Variants in NELL1 observed in about 807,000 individuals in gnomAD.
NELL1 encodes protein kinase C-binding protein NELL1.
A neutral mutation model predicts 107.4 loss-of-function variants in NELL1; 76 were observed. That is an observed-to-expected ratio of 0.71 (90% CI 0.59 to 0.86). The LOEUF is 0.86. Among genes scored for constraint, NELL1 ranks in the 40% least tolerant of loss-of-function variants. The pLI, the probability that NELL1 is intolerant of heterozygous loss-of-function variation, is 0.00. For synonymous variants in NELL1, 353 were observed against 341.2 expected (o/e 1.03, Z -0.38); for missense variants, 1,024 against 1,005.5 (o/e 1.02, Z -0.25).
chr11:21,028,026 TC>T (rs1852860519), intron 12 of NELL1, among the ~76,000 whole-genome samples: 1 of 152,166 alleles, frequency 6.6e-6, no homozygotes, highest in Non-Finnish European at 1.5e-5. Context: ...CAAGAATATG[TC>T]CCCATACTCA....
intron 15 of NELL1, among the ~76,000 whole-genome samples, chr11:21,491,703 A>C (rs955032698): frequency 6.6e-6 from 1 of 152,020 alleles, no homozygotes; most frequent in African/African-American, 2.4e-5. Flanking sequence ...TTCCATATGA[A>C]CTTTAAAGTA....
At chr11:21,535,988 G>A (rs769216540) in intron 16 of NELL1, among the ~76,000 whole-genome samples, 5 of 152,128 alleles carry the variant, frequency 3.3e-5, no homozygotes, top group Non-Finnish European at 5.9e-5. Context: ...AAGCATGGTG[G>A]CTAAAAGAAA....
intron 15 of NELL1, among the ~76,000 whole-genome samples, chr11:21,435,580 TG>T (rs1212157800): frequency 1.3e-5 from 2 of 150,540 alleles, no homozygotes; most frequent in Non-Finnish European, 2.9e-5. Context: ...ATATGATTTT[TG>T]TTCTTCATTC....
At chr11:20,768,854 A>G (rs1856586444) in intron 2 of NELL1, among the ~76,000 whole-genome samples, 1 of 152,068 alleles carries the variant, frequency 6.6e-6, no homozygotes, top group Non-Finnish European at 1.5e-5. Context: ...GTCCTGTGAA[A>G]CCTGTTTCAG....
rs115330394 is a variant in NELL1 at position 21,064,384 on chromosome 11, G to A, written c.1301-49205G>A. On this transcript the variant is annotated intron_variant, in intron 12 of 19. Coordinates refer to ENST00000357134, the MANE Select transcript of NELL1 (RefSeq NM_006157.5). ...AGTTGTCATTTTCCAGGAGCGAGAT[G>A]ATAGTAGTTCAGAACAGGGTGTTAA... 9.7e-3 allele frequency among the ~76,000 whole-genome samples: 1,474 copies of A among 152,272 alleles called. 18 individuals are homozygous for A. The highest frequency in any genetic ancestry group is 0.034 in the African/African-American group (1,409 of 41,560).
chr11:21,070,471 T>G (rs1184637394), intron 12 of NELL1, among the ~76,000 whole-genome samples: 4 of 152,158 alleles, frequency 2.6e-5, no homozygotes, highest in Non-Finnish European at 5.9e-5. Context: ...AAACCAGATG[T>G]TGGGGCTGAT....
At chr11:21,292,039 C>A (rs180785332) in intron 14 of NELL1, among the ~76,000 whole-genome samples, 1 of 152,344 alleles carries the variant, frequency 6.6e-6, no homozygotes, top group Admixed American at 6.5e-5. Flanking sequence ...CCTCTCTCAA[C>A]ATTCCTATTC....
At chr11:20,831,206 C>T (rs908062111) in intron 3 of NELL1, among the ~76,000 whole-genome samples, 7 of 152,250 alleles carry the variant, frequency 4.6e-5, no homozygotes, top group African/African-American at 9.6e-5. Context: ...TCTTAACAAT[C>T]GTACTCATCT....
chr11:20,858,841 C>T (rs7945811), intron 4 of NELL1, among the ~76,000 whole-genome samples: 1 of 151,986 alleles, frequency 6.6e-6, no homozygotes, highest in Non-Finnish European at 1.5e-5. Context: ...TCCTCCAGGG[C>T]ACATGTGTAC....
chr11:21,555,745 C>T (rs1318655067), intron 16 of NELL1, among the ~76,000 whole-genome samples: 1 of 151,890 alleles, frequency 6.6e-6, no homozygotes, highest in African/African-American at 2.4e-5. Flanking sequence ...TCTAACTTAT[C>T]TCTTCCTTTA....
chr11:21,014,036 G>T (rs561280449), intron 12 of NELL1, among the ~76,000 whole-genome samples: 1 of 152,146 alleles, frequency 6.6e-6, no homozygotes, highest in African/African-American at 2.4e-5. Flanking sequence ...TACACTTAGG[G>T]TTATAATACA....
At chr11:20,747,795 T>C (rs1856038038) in intron 2 of NELL1, among the ~76,000 whole-genome samples, 1 of 152,204 alleles carries the variant, frequency 6.6e-6, no homozygotes, top group Non-Finnish European at 1.5e-5. Flanking sequence ...AGGAAAAACC[T>C]GAGTTTGTAA....
chr11:21,004,316 G>A (rs1447908848), intron 12 of NELL1, among the ~76,000 whole-genome samples: 1 of 152,114 alleles, frequency 6.6e-6, no homozygotes, highest in African/African-American at 2.4e-5. Flanking sequence ...ATTAGAGTCA[G>A]TCTAGTTTAG....
At chr11:21,259,974 A>G (rs987771397) in intron 14 of NELL1, 1 of 151,928 alleles carries the variant, frequency 6.6e-6, no homozygotes, top group Non-Finnish European at 1.5e-5. Context: ...TTAATAAATC[A>G]CCTTTAAAGT....
intron 5 of NELL1, among the ~76,000 whole-genome samples, chr11:20,886,369 A>G: frequency 6.6e-6 from 1 of 152,208 alleles, no homozygotes; most frequent in Non-Finnish European, 1.5e-5. Context: ...GTTCTTTGAA[A>G]GAATGACACA....
At chr11:21,568,916 A>T (rs1193697186) in intron 17 of NELL1, among the ~76,000 whole-genome samples, 4 of 151,642 alleles carry the variant, frequency 2.6e-5, no homozygotes, top group African/African-American at 9.7e-5. Context: ...AATAATGATT[A>T]AAAAAGATAG....
At chr11:20,746,816 C>A (rs1350462580) in intron 2 of NELL1, among the ~76,000 whole-genome samples, 9 of 152,120 alleles carry the variant, frequency 5.9e-5, no homozygotes, top group Non-Finnish European at 1.3e-4. Context: ...CGATACACAG[C>A]TTCCCAGGTA....
chr11:21,332,695 T>A (rs527903406), intron 14 of NELL1, among the ~76,000 whole-genome samples: 17 of 152,156 alleles, frequency 1.1e-4, no homozygotes, highest in Admixed American at 1.0e-3. Context: ...TTGATTTTTG[T>A]CTGTTGTATT....
At chr11:21,090,510 G>C (rs947817670) in intron 12 of NELL1, among the ~76,000 whole-genome samples, 3 of 152,138 alleles carry the variant, frequency 2.0e-5, no homozygotes, top group Non-Finnish European at 4.4e-5. Flanking sequence ...GGGGTCAGGG[G>C]TTTGAGATTT....
Sources: gnomAD v4.1 joint callset for allele counts (sites outside exome capture counted in the v4.1 genomes callset) on GRCh38, gnomAD v4.1.1 for gene constraint, MANE v1.5 for transcripts, NCBI Gene and HGNC (gene_info 2026-07-23, HGNC 2026-07-21) for gene names.